The following HEXA variants were observed in gnomAD, a reference collection of about 807,000 sequenced individuals.
The protein encoded by HEXA is hexosaminidase subunit alpha.
Under a neutral mutation model 73.3 loss-of-function variants are expected in HEXA, and 54 were observed. The observed-to-expected ratio is 0.74, with a 90% CI of 0.59 to 0.92. The LOEUF (loss-of-function observed/expected upper bound fraction) is 0.92, where lower values mean the gene tolerates loss of function less well. Ranked by LOEUF, HEXA falls within the 40% of genes least tolerant of loss-of-function variation. HEXA has a pLI of 0.00. For synonymous variants in HEXA, 230 were observed against 246.9 expected (o/e 0.93, Z 0.64); for missense variants, 649 against 653.0 (o/e 0.99, Z 0.07).
At chr15:72,363,324 T>C (rs2088875470) in intron 1 of HEXA, among the ~76,000 whole-genome samples, 2 of 152,060 alleles carry the variant, frequency 1.3e-5, no homozygotes, top group South Asian at 2.1e-4. Context: ...ATTACAAACA[T>C]TGTGATAAGG....
intron 1 of HEXA, chr15:72,370,472 C>G: frequency 2.5e-6 from 1 of 394,338 alleles, no homozygotes; most frequent in Non-Finnish European, 4.5e-6. Flanking sequence ...AAGAGGATCG[C>G]TTGAAGCCAG....
chr15:72,371,818 T>A (rs1348792379), intron 1 of HEXA, among the ~76,000 whole-genome samples: 2 of 152,180 alleles, frequency 1.3e-5, no homozygotes, highest in African/African-American at 4.8e-5. Context: ...TATCTGAGGA[T>A]GAGCAAATCA....
intron 1 of HEXA, chr15:72,357,634 TC>T (rs2088802609): frequency 6.6e-6 from 1 of 152,180 alleles, no homozygotes; most frequent in Non-Finnish European, 1.5e-5. Flanking sequence ...ATCCATGACT[TC>T]TTATGGCACT....
In HEXA at chr15:72,366,028, G is replaced by A. The variant is rs796503323; in HGVS notation, c.254-9411C>T. ...CACCTTGTAAACCCTCTGAGATCTT[G>A]TTGTGTAGTTACTTAATTACTCAGC... On this transcript the variant is annotated intron_variant, in intron 1 of 13. Coordinates refer to ENST00000268097, the MANE Select transcript of HEXA (RefSeq NM_000520.6). 6.6e-5 allele frequency among the ~76,000 whole-genome samples: 10 copies of A among 152,176 alleles called. No homozygotes were observed. The East Asian group carries it at 1.7e-3, about 27-fold the overall frequency.
At chr15:72,347,654 G>A in intron 10 of HEXA, 32 bp downstream of exon 10, 2 of 1,577,756 alleles carry the variant, frequency 1.3e-6, no homozygotes, top group Non-Finnish European at 1.7e-6. Flanking sequence ...AGGCACTGCT[G>A]GTGGCTTCTT....
At chr15:72,363,020 C>T (rs1158710114) in intron 1 of HEXA, among the ~76,000 whole-genome samples, 1 of 152,236 alleles carries the variant, frequency 6.6e-6, no homozygotes, top group Non-Finnish European at 1.5e-5. Flanking sequence ...CCCATATCCC[C>T]TGGTACCCTC....
chr15:72,347,835 G>T (rs2088638272), intron 9 of HEXA, 77 bp from the exon 10 acceptor site: 2 of 1,394,870 alleles, frequency 1.4e-6, no homozygotes, highest in South Asian at 2.3e-5. Context: ...AGTGCTCTAG[G>T]GGTTGAGCCT....
At chr15:72,349,043 G>T (rs745408737) in intron 8 of HEXA, 36 bp downstream of exon 8, 8 of 1,574,236 alleles carry the variant, frequency 5.1e-6, no homozygotes, top group Non-Finnish European at 5.2e-6. Flanking sequence ...GTAAGCAACT[G>T]ATCAGGCCAC....
intron 3 of HEXA, chr15:72,355,315 CAGG>C (rs2088760658): frequency 2.0e-6 from 1 of 511,008 alleles, no homozygotes; most frequent in Non-Finnish European, 3.6e-6. Flanking sequence ...CACTTGAACT[CAGG>C]AGTTCAAGAC....
intron 1 of HEXA, among the ~76,000 whole-genome samples, chr15:72,365,166 C>T (rs139547073): frequency 0.01 from 1,524 of 152,216 alleles, 28 homozygotes; most frequent in African/African-American, 0.033. Flanking sequence ...CTCGGCTCAC[C>T]GCAAGCTCCG....
intron 1 of HEXA, chr15:72,370,500 G>C: frequency 2.5e-6 from 1 of 395,346 alleles, no homozygotes. Context: ...AGACCAGCCT[G>C]GGCAACACAG....
At chr15:72,354,957 A>C in intron 3 of HEXA, 1 of 155,604 alleles carries the variant, frequency 6.4e-6, no homozygotes, top group Non-Finnish European at 1.4e-5. Flanking sequence ...GCATGTATCT[A>C]TTTCTTTTGT....
intron 1 of HEXA, among the ~76,000 whole-genome samples, chr15:72,375,184 G>A (rs2089045226): frequency 6.6e-6 from 1 of 151,984 alleles, no homozygotes; most frequent in African/African-American, 2.4e-5. Flanking sequence ...CACCTCATGG[G>A]TTCAACCGAT....
chr15:72,353,416 T>C lies in HEXA; in HGVS notation c.460-238A>G, dbSNP rs147090337. 2.6e-5 allele frequency among the ~76,000 whole-genome samples: 4 copies of C among 152,272 alleles called. No homozygotes were observed. The East Asian group carries it at 7.7e-4, about 29-fold the overall frequency. On this transcript the variant is annotated intron_variant, in intron 4 of 13. Coordinates refer to ENST00000268097, the MANE Select transcript of HEXA (RefSeq NM_000520.6). ...TCCCAAACACCACTCAGCCTACAAA[T>C]TCTGGATTTTCCTGTTAACATAGTT... is the stretch of plus-strand genomic sequence containing the variant.
Position 72,375,977 on chromosome 15 carries a change from C to T in HEXA, c.-5G>A, listed in dbSNP as rs1049449595. On this transcript the variant is annotated 5_prime_UTR_variant, in exon 1 of 14. Coordinates refer to ENST00000268097, the MANE Select transcript of HEXA (RefSeq NM_000520.6). ...CCAAAGCCTGGAGCTTGTCATGGCC[C>T]GCTGGTCTCCCCTCTCGGAGGGGGC... is the stretch of plus-strand genomic sequence containing the variant. 3.7e-6 allele frequency: 6 copies of T among 1,612,966 alleles called. No homozygotes were observed. Among genetic ancestry groups the T allele is most frequent in the Non-Finnish European group, 5.1e-6 (6 of 1,180,018 alleles).
rs781345077 is a variant in HEXA at position 72,375,715 on chromosome 15, C to G, written c.253+5G>C. On this transcript the variant is annotated splice_donor_5th_base_variant and intron_variant, in intron 1 of 13. Coordinates refer to ENST00000268097, the MANE Select transcript of HEXA (RefSeq NM_000520.6). ...CAGGAACAGGGCGGGACAAGTCCGACTCACCTGTGAGGTAAGGACGGGGCC... is the reference window on the plus strand; with the variant it reads ...CAGGAACAGGGCGGGACAAGTCCGAGTCACCTGTGAGGTAAGGACGGGGCC... The G allele has an allele frequency of 3.1e-6, 5 of 1,614,088 alleles. No individual in the cohort carries two copies. Among genetic ancestry groups the G allele is most frequent in the Non-Finnish European group, 4.2e-6 (5 of 1,180,010 alleles).
At chr15:72,366,789 C>T (rs559182802) in intron 1 of HEXA, among the ~76,000 whole-genome samples, 34 of 152,242 alleles carry the variant, frequency 2.2e-4, no homozygotes, top group African/African-American at 7.9e-4. Flanking sequence ...GCCTTTTGGA[C>T]CTTCTTCTCC....
chr15:72,370,697 T>TTAAAAAAAAAAAG (rs1555474903), intron 1 of HEXA: 12 of 339,586 alleles, frequency 3.5e-5, no homozygotes, highest in African/African-American at 1.8e-4. Flanking sequence ...ACCTGTTTCT[T>TTAAAAAAAAAAAG]AAAAAAAAAA....
chr15:72,356,773 G>A lies in HEXA; in HGVS notation c.254-156C>T, dbSNP rs1595804270. On this transcript the variant is annotated intron_variant, in intron 1 of 13. Coordinates refer to ENST00000268097, the MANE Select transcript of HEXA (RefSeq NM_000520.6). ...TGGCATAGGCAGTGCCTGATCATCT[G>A]TTCAGCTGTCTCACTCTCGTTGTGC... 5 of 1,096,296 alleles carry A rather than the reference G, an allele frequency of 4.6e-6. No individual in the cohort carries two copies. The Admixed American group carries it at 9.9e-5, about 22-fold the overall frequency. The allele number at this position is 1,096,296 out of a possible 1,614,324, so 67.9% of individuals were successfully genotyped here. A position where few individuals can be genotyped will look rare whatever the true frequency, so the allele number is the denominator to read the frequency against.
Sources: allele counts gnomAD v4.1 joint callset (sites outside exome capture counted in the v4.1 genomes callset), GRCh38; gene constraint gnomAD v4.1.1; transcripts MANE v1.5; gene names NCBI Gene and HGNC (gene_info 2026-07-23, HGNC 2026-07-21).